The following ZNG1A variants were observed in gnomAD, a reference collection of about 807,000 sequenced individuals.
ZNG1A encodes zinc-regulated GTPase metalloprotein activator 1A.
chr9:140,208 C>G, the ZNG1A span, among the ~76,000 whole-genome samples: 1 of 151,778 alleles, frequency 6.6e-6, no homozygotes, highest in African/African-American at 2.4e-5. Context: ...CCTCTGGGGG[C>G]AGGGCACAGA....
the ZNG1A span, among the ~76,000 whole-genome samples, chr9:157,563 G>C: frequency 1.4e-5 from 2 of 143,810 alleles, no homozygotes; most frequent in South Asian, 4.6e-4. Flanking sequence ...AATTATGGGA[G>C]ATGGCTATTT....
chr9:177,821 C>G, the ZNG1A span: 1 of 1,364,564 alleles, frequency 7.3e-7, no homozygotes, highest in Non-Finnish European at 1.0e-6. Context: ...CTCTGAATAA[C>G]TGTGGGGAAA....
chr9:150,129 T>TG, the ZNG1A span: 9 of 120,724 alleles, frequency 7.5e-5, no homozygotes, highest in African/African-American at 3.0e-4. Flanking sequence ...TTGTTTTTTT[T>TG]TTTTTTTTTT....
the ZNG1A span, among the ~76,000 whole-genome samples, chr9:163,641 G>A: frequency 6.6e-6 from 1 of 152,040 alleles, no homozygotes; most frequent in Admixed American, 6.5e-5. Flanking sequence ...AAGAGGCAGG[G>A]TGTGGTGGCT....
the ZNG1A span, among the ~76,000 whole-genome samples, chr9:158,059 G>A: frequency 6.8e-6 from 1 of 146,590 alleles, no homozygotes; most frequent in African/African-American, 2.5e-5. Flanking sequence ...GACCAGTATT[G>A]TATCAAAATT....
the ZNG1A span, chr9:177,864 C>G: frequency 3.6e-6 from 5 of 1,395,534 alleles, no homozygotes; most frequent in Non-Finnish European, 3.9e-6. Flanking sequence ...AAAATTACTT[C>G]CGAGCAAAAA....
chr9:144,321 C>T, the ZNG1A span, among the ~76,000 whole-genome samples: 1 of 143,680 alleles, frequency 7.0e-6, no homozygotes, highest in East Asian at 2.1e-4. Flanking sequence ...GTAACCAAAA[C>T]AGCATGGTAC....
the ZNG1A span, among the ~76,000 whole-genome samples, chr9:129,630 A>C: frequency 6.7e-6 from 1 of 150,152 alleles, no homozygotes; most frequent in South Asian, 2.1e-4. Context: ...TCATCAAATC[A>C]GAAAGTAAAA....
the ZNG1A span, among the ~76,000 whole-genome samples, chr9:129,597 T>A: frequency 6.7e-6 from 1 of 148,830 alleles, no homozygotes; most frequent in Admixed American, 6.6e-5. Flanking sequence ...TCCACTAATA[T>A]CAGGTGTCTA....
chr9:125,251 T>C, the ZNG1A span, among the ~76,000 whole-genome samples: 8 of 150,978 alleles, frequency 5.3e-5, no homozygotes, highest in African/African-American at 2.0e-4. Flanking sequence ...TGGCCATTCT[T>C]GCAGAAGTAA....
the ZNG1A span, chr9:154,254 G>A: frequency 5.7e-6 from 1 of 176,274 alleles, no homozygotes; most frequent in Non-Finnish European, 1.2e-5. Context: ...CATAGGAAGG[G>A]GGGAGAGACA....
At chr9:173,936 A>C in the ZNG1A span, among the ~76,000 whole-genome samples, 1 of 152,158 alleles carries the variant, frequency 6.6e-6, no homozygotes, top group East Asian at 1.9e-4. Context: ...TCACGAGGTC[A>C]GGAGACCGAG....
chr9:121,503 C>G, the ZNG1A span: 2 of 1,611,490 alleles, frequency 1.2e-6, no homozygotes, highest in Non-Finnish European at 1.7e-6. Flanking sequence ...AACGTGTTGT[C>G]CACTGCTTTT....
the ZNG1A span, among the ~76,000 whole-genome samples, chr9:139,987 T>A: frequency 6.6e-6 from 1 of 150,406 alleles, no homozygotes; most frequent in African/African-American, 2.5e-5. Flanking sequence ...CGAGATTATA[T>A]CCCGCACCTG....
chr9:168,730 T>A, the ZNG1A span, among the ~76,000 whole-genome samples: 1 of 146,690 alleles, frequency 6.8e-6, no homozygotes, highest in East Asian at 1.9e-4. Context: ...TCATTTACTA[T>A]CCTAAAAATT....
the ZNG1A span, among the ~76,000 whole-genome samples, chr9:137,367 G>GAA: frequency 5.3e-5 from 5 of 94,782 alleles, no homozygotes; most frequent in Admixed American, 1.2e-4. Flanking sequence ...TCTCCAAGGG[G>GAA]AAAAAAAAAA....
At chr9:175,271 A>C in the ZNG1A span, among the ~76,000 whole-genome samples, 108 of 151,076 alleles carry the variant, frequency 7.1e-4, 1 homozygote, top group South Asian at 2.1e-3. Context: ...CCAGCTACTC[A>C]GGAGGCTGAG....
At chr9:132,352 T>TAA in the ZNG1A span, among the ~76,000 whole-genome samples, 5,900 of 90,852 alleles carry the variant, frequency 0.065, 241 homozygotes, top group African/African-American at 0.083. Flanking sequence ...CCATCTCTAC[T>TAA]AAAAAAAAAA....
the ZNG1A span, among the ~76,000 whole-genome samples, chr9:124,872 G>A: frequency 2.9e-3 from 431 of 149,826 alleles, no homozygotes; most frequent in African/African-American, 9.3e-3. Flanking sequence ...AGGTCACTGC[G>A]AATGCCATTA....
Sources: gnomAD v4.1 joint callset for allele counts (sites outside exome capture counted in the v4.1 genomes callset) on GRCh38, gnomAD v4.1.1 for gene constraint, MANE v1.5 for transcripts, NCBI Gene and HGNC (gene_info 2026-07-23, HGNC 2026-07-21) for gene names.